The following SASH1 variants were observed in gnomAD, a reference collection of about 807,000 sequenced individuals.
The protein encoded by SASH1 is SAM and SH3 domain-containing protein 1.
SASH1 carries 44 observed loss-of-function variants against 125.2 expected under a neutral mutation model. The observed-to-expected ratio is 0.35, with a 90% CI of 0.28 to 0.45. SASH1 has a LOEUF of 0.45. Among genes scored for constraint, SASH1 ranks in the 20% least tolerant of loss-of-function variants. The probability of loss-of-function intolerance (pLI) is 1.00; values close to 1 mark genes in which losing one functional copy is unlikely to be tolerated. For missense variants in SASH1, 1,426 were observed against 1,614.5 expected (o/e 0.88, Z 2.00); for synonymous variants, 639 against 649.1 (o/e 0.98, Z 0.24).
At chr6:148,296,855 T>C (rs553398581) in intron 1 of SASH1, among the ~76,000 whole-genome samples, 2 of 152,352 alleles carry the variant, frequency 1.3e-5, no homozygotes, top group African/African-American at 4.8e-5. Flanking sequence ...TACTCTGCCC[T>C]CACTGTTGCT....
At chr6:148,223,064 G>A in the SASH1 span, among the ~76,000 whole-genome samples, 1 of 152,246 alleles carries the variant, frequency 6.6e-6, no homozygotes, top group Middle Eastern at 3.4e-3. Flanking sequence ...CACGGCCAAG[G>A]CAAACAAAGG....
intron 2 of SASH1, among the ~76,000 whole-genome samples, chr6:148,415,882 C>CTT (rs773524141): frequency 3.3e-5 from 5 of 152,250 alleles, no homozygotes; most frequent in Non-Finnish European, 7.4e-5. Context: ...AGAGGAAGCT[C>CTT]TTTTAAAGAG....
intron 8 of SASH1, among the ~76,000 whole-genome samples, chr6:148,503,529 A>G (rs1175220022): frequency 6.6e-6 from 1 of 152,258 alleles, no homozygotes; most frequent in African/African-American, 2.4e-5. Flanking sequence ...CAAAACATAC[A>G]GCTTTAAAAA....
chr6:148,245,537 G>A, the SASH1 span, among the ~76,000 whole-genome samples: 1,038 of 152,238 alleles, frequency 6.8e-3, 11 homozygotes, highest in African/African-American at 0.023. Context: ...TGTCTCTCCT[G>A]GGGTTCTTTA....
chr6:148,514,024 G>A, intron 8 of SASH1: 1 of 1,058,664 alleles, frequency 9.4e-7, no homozygotes, highest in African/African-American at 1.7e-5. Context: ...TCCTGCTGGA[G>A]TCCTCCTAAG....
At chr6:148,334,377 G>A (rs1212718464) in intron 1 of SASH1, among the ~76,000 whole-genome samples, 2 of 136,750 alleles carry the variant, frequency 1.5e-5, no homozygotes, top group East Asian at 2.2e-4. Context: ...GCAGTGAGCC[G>A]AGATTGCGCC....
the SASH1 span, among the ~76,000 whole-genome samples, chr6:148,253,610 T>C: frequency 5.3e-3 from 806 of 152,318 alleles, 7 homozygotes; most frequent in African/African-American, 0.018. Context: ...CGGTGGCTGA[T>C]GCCTGTAATC....
chr6:148,228,675 GA>G, the SASH1 span, among the ~76,000 whole-genome samples: 1 of 152,208 alleles, frequency 6.6e-6, no homozygotes, highest in Non-Finnish European at 1.5e-5. Context: ...TTCTTCAAGT[GA>G]GCGTTTTATG....
chr6:148,213,233 T>C, the SASH1 span, among the ~76,000 whole-genome samples: 5 of 152,102 alleles, frequency 3.3e-5, no homozygotes, highest in Admixed American at 6.6e-5. Flanking sequence ...CTCCAATTCC[T>C]TTGCAAACTT....
chr6:148,273,077 T>A (rs1217509771), intron 1 of SASH1, among the ~76,000 whole-genome samples: 1 of 151,936 alleles, frequency 6.6e-6, no homozygotes, highest in Non-Finnish European at 1.5e-5. Flanking sequence ...CTGGGCAACA[T>A]GGCGAAACAC....
intron 8 of SASH1, among the ~76,000 whole-genome samples, chr6:148,507,679 C>T (rs1359983373): frequency 6.6e-6 from 1 of 152,202 alleles, no homozygotes; most frequent in African/African-American, 2.4e-5. Context: ...TAGGTAACCT[C>T]TGAATCCTGT....
At chr6:148,326,317 C>T (rs560016230) in intron 1 of SASH1, among the ~76,000 whole-genome samples, 2 of 22,208 alleles carry the variant, frequency 9.0e-5, no homozygotes, top group South Asian at 2.2e-3. Context: ...AGTGAGCCAC[C>T]GCATGCATAT....
At chr6:148,410,827 G>A (rs1784593298) in intron 2 of SASH1, among the ~76,000 whole-genome samples, 1 of 152,102 alleles carries the variant, frequency 6.6e-6, no homozygotes, top group Admixed American at 6.5e-5. Context: ...AGGCTACCCA[G>A]TAGTAGAATA....
At position 148,519,548 on chromosome 6, in the gene SASH1, T is replaced by G; in HGVS notation, c.864T>G (p.Gly288=). 6.2e-7 allele frequency: 1 copy of G among 1,611,248 alleles called. No individual in the cohort carries two copies. The highest frequency in any genetic ancestry group is 8.5e-7 in the Non-Finnish European group (1 of 1,177,608). Residue 288 remains glycine (G), a splice_region_variant and synonymous_variant, in exon 10 of 20, where the codon GGT becomes GGG. Transcript: ENST00000367467. The surrounding 1 kb of genome is among the most constrained non-coding windows in gnomAD (Gnocchi z 4.8). ...GAGACTCTGTTGGTTTCCCTCCAGG[T>G]GGGGAGGAGCACGTGTTTGAGAATT... ...VEEMKKPSTE[G]GEEHVFENSP...
intron 1 of SASH1, among the ~76,000 whole-genome samples, chr6:148,291,313 A>C (rs936714180): frequency 6.6e-6 from 1 of 152,228 alleles, no homozygotes; most frequent in African/African-American, 2.4e-5. Context: ...CAGGTATTGA[A>C]ATATCACATG....
intron 4 of SASH1, among the ~76,000 whole-genome samples, chr6:148,466,602 C>T (rs1214438035): frequency 6.6e-6 from 1 of 152,132 alleles, no homozygotes; most frequent in Non-Finnish European, 1.5e-5. Flanking sequence ...CATTCAGTCA[C>T]CCAGTTTGGA....
At chr6:148,293,373 A>C (rs967115840) in intron 1 of SASH1, among the ~76,000 whole-genome samples, 9 of 152,182 alleles carry the variant, frequency 5.9e-5, no homozygotes, top group Non-Finnish European at 1.0e-4. Flanking sequence ...GTTCTGTCAG[A>C]TACATGCCTG....
intron 1 of SASH1, among the ~76,000 whole-genome samples, chr6:148,278,165 G>A (rs1222844405): frequency 6.6e-6 from 1 of 151,928 alleles, no homozygotes; most frequent in Non-Finnish European, 1.5e-5. Flanking sequence ...TCAGCCTGTC[G>A]AGTAGCATTA....
chr6:148,538,298 C>G (rs1583324338), intron 16 of SASH1, among the ~76,000 whole-genome samples: 1 of 152,214 alleles, frequency 6.6e-6, no homozygotes, highest in Non-Finnish European at 1.5e-5. Context: ...ACTCTGGAGT[C>G]TGTTTTGGCC....
Sources: gnomAD v4.1 joint callset for allele counts (sites outside exome capture counted in the v4.1 genomes callset) on GRCh38, gnomAD v4.1.1 for gene constraint, Gnocchi (gnomAD v3.1) non-coding constraint, MANE v1.5 for transcripts, NCBI Gene and HGNC (gene_info 2026-07-23, HGNC 2026-07-21) for gene names.